Variants in DACT1 observed in about 807,000 individuals in gnomAD.
The protein encoded by DACT1 is dishevelled binding antagonist of beta catenin 1.
In DACT1, 19 loss-of-function variants were observed where a neutral mutation model predicts 35.3. That is an observed-to-expected ratio of 0.54 (90% CI 0.38 to 0.79). DACT1 has a LOEUF of 0.79. DACT1 is among the 30% of genes least tolerant of loss of function. The pLI is 0.00. For missense variants in DACT1, 1,143 were observed against 1,057.5 expected, an observed-to-expected ratio of 1.08 and a Z score of -1.12; for synonymous variants, 545 against 466.7, an observed-to-expected ratio of 1.17 and a Z score of -2.16.
upstream of DACT1, among the ~76,000 whole-genome samples, chr14:58,634,803 G>C (rs910691988): frequency 6.6e-6 from 1 of 152,208 alleles, no homozygotes; most frequent in Non-Finnish European, 1.5e-5. Flanking sequence ...TCAGACTTTG[G>C]TGGGGGTGCT....
At position 58,646,913 on chromosome 14, in the gene DACT1, G is replaced by T; in HGVS notation, c.2179G>T (p.Gly727Cys). The change falls in exon 4 of 4, where the codon GGC (glycine) becomes TGC (cysteine). Residue 727 changes from glycine to cysteine, a missense_variant. Gly to Cys is a radical substitution (Grantham distance 159). Transcript: ENST00000395153. The stretch of plus-strand genomic sequence containing the variant: ...GGACAGCGAGTCGAGTGTGAGCGAG[G>T]GCGAGTTCGTGGGGGAGAGCACAAC... ...FGDSESSVSE[G>C]EFVGESTTTS... 1.2e-6 allele frequency: 2 copies of T among 1,614,180 alleles called. No individual in the cohort carries two copies. The highest frequency in any genetic ancestry group is 1.7e-6 in the Non-Finnish European group (2 of 1,180,034).
intron 1 of DACT1, chr14:58,638,948 C>T (rs1462891982): frequency 3.0e-6 from 3 of 991,132 alleles, no homozygotes; most frequent in Non-Finnish European, 3.6e-6. Context: ...GTTTTCTTGA[C>T]TTTATCTCCT....
At chr14:58,638,575 G>C in intron 1 of DACT1, 28 bp downstream of exon 1, 1 of 1,319,624 alleles carries the variant, frequency 7.6e-7, no homozygotes, top group Non-Finnish European at 9.7e-7. Context: ...GTGGAGCACG[G>C]CTGTTCCTGC....
Position 58,646,532 on chromosome 14 carries a change from G to GGGCCCGAGGCTGGTGTTCCCGGCA in DACT1, c.1805_1828dup (p.Glu602_Pro609dup). 3.2e-6 allele frequency: 5 copies of GGGCCCGAGGCTGGTGTTCCCGGCA among 1,556,688 alleles called. No individual in the cohort carries two copies. The highest frequency in any genetic ancestry group is 3.5e-6 in the Non-Finnish European group (4 of 1,154,004). ...CTCCAAGGGGAGGAAGAGTGGGGGC[G>GGGCCCGAGGCTGGTGTTCCCGGCA]GGCCCGAGGCTGGTGTTCCCGGCAG... On this transcript the variant is annotated inframe_insertion, in exon 4 of 4. Transcript: ENST00000395153.
Position 58,646,475 on chromosome 14 carries a change from T to C in DACT1, c.1741T>C (p.Leu581=), listed in dbSNP as rs2047684242. 10 of 1,570,870 alleles carry C rather than the reference T, an allele frequency of 6.4e-6. No homozygotes were observed. Among genetic ancestry groups the C allele is most frequent in the Non-Finnish European group, 8.6e-6 (10 of 1,162,650 alleles). ...GSKKCRFPDD[L]DTNKKLKKAS... ...CAAGAAGTGTCGCTTCCCAGATGACTTGGATACAAATAAGAAACTCAAGAA... is the reference window on the plus strand; with the variant it reads ...CAAGAAGTGTCGCTTCCCAGATGACCTGGATACAAATAAGAAACTCAAGAA... Residue 581 remains leucine, a synonymous_variant, in exon 4 of 4, where the codon TTG becomes CTG. Transcript: ENST00000395153.
At position 58,646,335 on chromosome 14, in the gene DACT1, G is replaced by A. The variant is rs770865733; in HGVS notation, c.1601G>A (p.Arg534Gln). 9.3e-6 allele frequency: 15 copies of A among 1,608,480 alleles called. No individual in the cohort carries two copies. Among genetic ancestry groups the A allele is most frequent in the Admixed American group, 3.5e-5 (2 of 57,816 alleles). Reference protein sequence around the residue: ...PGQQPSVRLHRGHRNMGVVKN... With the variant: ...PGQQPSVRLHQGHRNMGVVKN... ...CAGCAGCCCAGTGTCAGGCTCCACC[G>A]GGGCCACAGGAACATGGGCGTCGTG... The change falls in exon 4 of 4, where the codon CGG (arginine) becomes CAG (glutamine). Residue 534 changes from arginine to glutamine, a missense_variant. Coordinates refer to ENST00000395153, the MANE Select transcript of DACT1 (RefSeq NM_001079520.2).
rs1226515537 is a variant in DACT1, at chr14:58,647,023, C to G, written c.2289C>G (p.Asp763Glu). 6.2e-7 allele frequency: 1 copy of G among 1,614,200 alleles called. No homozygotes were observed. The highest frequency in any genetic ancestry group is 8.5e-7 in the Non-Finnish European group (1 of 1,180,044). Reference sequence around the variant, plus strand: ...CCATTCAAACGGTAACGGCCCCAGACCTTCACAACCACCCCGCAAAAACCT... The same window carrying G: ...CCATTCAAACGGTAACGGCCCCAGAGCTTCACAACCACCCCGCAAAAACCT... ...TLPIQTVTAP[D>E]LHNHPAKTFV... The change falls in exon 4 of 4, where the codon GAC becomes GAG. Residue 763 changes from aspartate (D) to glutamate (E), a missense_variant. Asp to Glu is a conservative substitution (Grantham distance 45). This residue lies in a region of DACT1 where 1,054 missense variants were observed against 958.8 expected (regional missense o/e 1.10). Transcript: ENST00000395153.
chr14:58,637,663 G>C (rs2047583512), upstream of DACT1, among the ~76,000 whole-genome samples: 2 of 152,172 alleles, frequency 1.3e-5, no homozygotes, highest in Non-Finnish European at 2.9e-5. Flanking sequence ...CCAGGCGCTC[G>C]CCCCGAGCTT....
upstream of DACT1, among the ~76,000 whole-genome samples, chr14:58,637,204 A>G (rs554031533): frequency 3.9e-4 from 60 of 152,334 alleles, no homozygotes; most frequent in South Asian, 2.9e-3. Context: ...AGACTAAGTA[A>G]TAATAAAAGC....
At chr14:58,638,826 C>T (rs1257879795) in intron 1 of DACT1, 2 of 1,146,262 alleles carry the variant, frequency 1.7e-6, no homozygotes, top group Non-Finnish European at 2.1e-6. Context: ...CCTCTGCCTT[C>T]GGGATTCTTG....
At chr14:58,638,747 G>C in intron 1 of DACT1, 200 bp downstream of exon 1, 1 of 1,193,952 alleles carries the variant, frequency 8.4e-7, no homozygotes, top group Non-Finnish European at 1.0e-6. Context: ...CGCGTTTCTG[G>C]CGTGTGCCCG....
chr14:58,643,050 C>T (rs2047642392), intron 3 of DACT1, among the ~76,000 whole-genome samples: 1 of 152,088 alleles, frequency 6.6e-6, no homozygotes, highest in Non-Finnish European at 1.5e-5. Context: ...AAAAATGAGT[C>T]CTAGTAAGGT....
In DACT1 at chr14:58,638,035, A is replaced by G. The variant is rs2047589139; in HGVS notation, c.-168A>G. 1.6e-6 allele frequency: 1 copy of G among 611,414 alleles called. No homozygotes were observed. The allele number at this position is 611,414 out of a possible 1,614,324, so 37.9% of individuals were successfully genotyped here. A position where few individuals can be genotyped will look rare whatever the true frequency, so the allele number is the denominator to read the frequency against. On this transcript the variant is annotated 5_prime_UTR_variant, in exon 1 of 4. Transcript: ENST00000395153. ...GCGCTGCCCGGGCCGGGACAGCAGC[A>G]GCCGGCGGTCGCGCGCAGGACTCGA...
At chr14:58,644,376 T>A (rs2047653925) in intron 3 of DACT1, among the ~76,000 whole-genome samples, 1 of 152,232 alleles carries the variant, frequency 6.6e-6, no homozygotes, top group African/African-American at 2.4e-5. Flanking sequence ...GAATTCTTTA[T>A]CATATTAAAA....
In DACT1 at chr14:58,645,974, C is replaced by G. The variant is rs773348564; in HGVS notation, c.1240C>G (p.His414Asp). ...CGCTGCCTCCGACCTTCAGAGTAAG[C>G]ACCTGCCAAAAACGGCCAAGCCAGC... ...SGAASDLQSK[H>D]LPKTAKPASQ... The change falls in exon 4 of 4, where the codon CAC becomes GAC. Residue 414 changes from histidine (H) to aspartate (D), a missense_variant. Coordinates refer to ENST00000395153, the MANE Select transcript of DACT1 (RefSeq NM_001079520.2). 9 of 1,613,648 alleles carry G rather than the reference C, an allele frequency of 5.6e-6. No individual in the cohort carries two copies. In the Admixed American group the frequency reaches 1.3e-4, roughly 24 times the overall value.
chr14:58,638,560 C>G lies in DACT1; in HGVS notation c.345+13C>G, dbSNP rs748037387. On this transcript the variant is annotated intron_variant, in intron 1 of 3. Coordinates refer to ENST00000395153, the MANE Select transcript of DACT1 (RefSeq NM_001079520.2). ...AAGAAAGCAATTGGTAGGTCGTGCC[C>G]GAAGGTGGAGCACGGCTGTTCCTGC... 7 of 1,331,714 alleles carry G rather than the reference C, an allele frequency of 5.3e-6. No homozygotes were observed. The African/African-American group carries it at 1.1e-4, about 20-fold the overall frequency. The allele number at this position is 1,331,714 out of a possible 1,614,324, so 82.5% of individuals were successfully genotyped here.
chr14:58,639,609 A>G (rs2140212514), intron 1 of DACT1, among the ~76,000 whole-genome samples: 1 of 152,308 alleles, frequency 6.6e-6, no homozygotes, highest in East Asian at 1.9e-4. Context: ...TTAAGCACCA[A>G]AGTGCTTTTA....
intron 1 of DACT1, chr14:58,639,026 T>C: frequency 1.0e-6 from 1 of 985,470 alleles, no homozygotes; most frequent in Non-Finnish European, 1.2e-6. Flanking sequence ...GGCCGAGTTT[T>C]ACGATTACAC....
chr14:58,636,192 A>T (rs1355868331), upstream of DACT1, among the ~76,000 whole-genome samples: 1 of 152,180 alleles, frequency 6.6e-6, no homozygotes, highest in African/African-American at 2.4e-5. Context: ...AGCAATGGGG[A>T]GGAAAGTGAA....
Sources: gnomAD v4.1 joint callset for allele counts (sites outside exome capture counted in the v4.1 genomes callset) on GRCh38, gnomAD v4.1.1 for gene constraint, gnomAD v4.1.1 regional missense constraint, MANE v1.5 for transcripts, NCBI Gene and HGNC (gene_info 2026-07-23, HGNC 2026-07-21) for gene names.